Variants in PARP8 observed in about 807,000 individuals in gnomAD.
The protein encoded by PARP8 is protein mono-ADP-ribosyltransferase PARP8.
PARP8 carries 51 observed loss-of-function variants against 124.1 expected under a neutral mutation model. That is an observed-to-expected ratio of 0.41 (90% CI 0.33 to 0.52). The LOEUF is 0.52. PARP8 is among the 20% of genes least tolerant of loss of function. The pLI is 0.21. For missense variants in PARP8, 860 were observed against 1,018.9 expected (o/e 0.84, Z 2.12); for synonymous variants, 391 against 361.5 (o/e 1.08, Z -0.93).
chr5:50,708,029 T>G (rs1166981623), intron 2 of PARP8, among the ~76,000 whole-genome samples: 5 of 152,148 alleles, frequency 3.3e-5, no homozygotes, highest in African/African-American at 1.2e-4. Flanking sequence ...AGTATATATT[T>G]TTTCTTCTAC....
At chr5:50,758,013 A>T (rs1760150759) in intron 3 of PARP8, among the ~76,000 whole-genome samples, 1 of 152,138 alleles carries the variant, frequency 6.6e-6, no homozygotes, top group East Asian at 1.9e-4. Context: ...ATTAGGTTTT[A>T]TATTAAGTAG....
chr5:50,827,912 A>ATGTTTT (rs1491586903), intron 19 of PARP8, 32 bp from the exon 20 acceptor site: 18 of 1,442,398 alleles, frequency 1.2e-5, no homozygotes, highest in Non-Finnish European at 1.8e-5. Context: ...TAAGTTTTAC[A>ATGTTTT]TGTTTTTGTT....
At chr5:50,669,401 G>A (rs1749743199) in intron 2 of PARP8, 1 of 152,164 alleles carries the variant, frequency 6.6e-6, no homozygotes, top group African/African-American at 2.4e-5. Context: ...TATTTTAACA[G>A]TTAAAATATA....
intron 2 of PARP8, among the ~76,000 whole-genome samples, chr5:50,749,351 C>A (rs1055440571): frequency 6.6e-6 from 1 of 152,032 alleles, no homozygotes; most frequent in Non-Finnish European, 1.5e-5. Flanking sequence ...TAATGTTAAA[C>A]ATGTGCTGTG....
Position 50,846,278 on chromosome 5 carries a change from A to G in PARP8, c.*4210A>G, listed in dbSNP as rs533557288. 1.3e-4 allele frequency: 20 copies of G among 151,760 alleles called. No individual in the cohort carries two copies. The highest frequency in any genetic ancestry group is 2.2e-4 in the Non-Finnish European group (15 of 67,784). The allele number at this position is 151,760 out of a possible 1,614,324, so 9.4% of individuals were successfully genotyped here. On this transcript the variant is annotated 3_prime_UTR_variant, in exon 26 of 26. Coordinates refer to ENST00000281631, the MANE Select transcript of PARP8 (RefSeq NM_024615.4). ...AATAAATTTCTTGATTTTTGTGCAC[A>G]GGATAGTATTGCAACCTGCTATTTA...
At chr5:50,678,364 T>C (rs1750876627) in intron 2 of PARP8, among the ~76,000 whole-genome samples, 1 of 152,114 alleles carries the variant, frequency 6.6e-6, no homozygotes, top group African/African-American at 2.4e-5. Context: ...CACACACACA[T>C]AACATGTACA....
intron 2 of PARP8, chr5:50,669,142 A>G (rs1318143814): frequency 6.6e-6 from 1 of 152,232 alleles, no homozygotes; most frequent in Non-Finnish European, 1.5e-5. Context: ...ATTCCAGTAT[A>G]TGCAATATAC....
intron 2 of PARP8, among the ~76,000 whole-genome samples, chr5:50,729,058 A>AGT (rs1756715451): frequency 6.6e-6 from 1 of 152,014 alleles, no homozygotes; most frequent in South Asian, 2.1e-4. Context: ...GGAACACATT[A>AGT]GTGTGCGGTT....
At chr5:50,735,097 C>T (rs1757348911) in intron 2 of PARP8, among the ~76,000 whole-genome samples, 1 of 151,930 alleles carries the variant, frequency 6.6e-6, no homozygotes, top group African/African-American at 2.4e-5. Flanking sequence ...GCTTGCTTCT[C>T]TTGTGTGTTA....
intron 2 of PARP8, chr5:50,741,884 A>G (rs1476493648): frequency 4.6e-6 from 2 of 437,226 alleles, no homozygotes; most frequent in Non-Finnish European, 9.0e-6. Context: ...ATCTCAGCTC[A>G]CTGCAACCTC....
chr5:50,759,671 T>A lies in PARP8; in HGVS notation c.213T>A (p.Asn71Lys). The part of the protein sequence containing the change: ...PDNTYVSSSE[N>K]DEDVLVTTEP... ...ATACATATGTGTCAAGTTCAGAGAA[T>A]GATGAAGATGTGCTAGTTACTACAG... The change falls in exon 4 of 26, where the codon AAT (asparagine) becomes AAA (lysine). Residue 71 changes from asparagine to lysine, a missense_variant. By Grantham distance (94) the Asn-to-Lys change is moderately conservative (BLOSUM62 0). This residue lies in a region of PARP8 where 517 missense variants were observed against 544.2 expected (regional missense o/e 0.95). Transcript: ENST00000281631. The A allele has an allele frequency of 6.4e-7, 1 of 1,563,218 alleles. No homozygotes were observed. The highest frequency in any genetic ancestry group is 8.6e-7 in the Non-Finnish European group (1 of 1,159,234).
chr5:50,744,732 A>G (rs1368068873), intron 2 of PARP8: 4 of 700,266 alleles, frequency 5.7e-6, no homozygotes, highest in Non-Finnish European at 1.0e-5. Context: ...TTTTCTCTGA[A>G]TAGGAATTCA....
At chr5:50,703,851 C>T (rs1753844872) in intron 2 of PARP8, among the ~76,000 whole-genome samples, 1 of 151,486 alleles carries the variant, frequency 6.6e-6, no homozygotes, top group South Asian at 2.1e-4. Context: ...GTCGAGGCTG[C>T]AGTGATCACT....
At chr5:50,786,254 G>A (rs1580337388) in intron 9 of PARP8, among the ~76,000 whole-genome samples, 1 of 151,856 alleles carries the variant, frequency 6.6e-6, no homozygotes, top group Non-Finnish European at 1.5e-5. Context: ...TCTTGTCAAT[G>A]TCATCAGTAA....
rs190852199 is a variant in PARP8, at chr5:50,777,044, A to G, written c.519-1025A>G. On this transcript the variant is annotated intron_variant, in intron 7 of 25. Transcript: ENST00000281631. ...GCTGTGATGAGGACCTAATGAGATC[A>G]TCCATTAATGCTTGACCTGGTTTCC... Among the ~76,000 whole-genome samples the G allele has an allele frequency of 7.4e-3, 1,128 of 152,322 alleles. 8 individuals are homozygous for G. The highest frequency in any genetic ancestry group is 0.011 in the Non-Finnish European group (766 of 68,012).
intron 14 of PARP8, among the ~76,000 whole-genome samples, chr5:50,814,579 A>G (rs539158742): frequency 2.0e-5 from 3 of 152,224 alleles, no homozygotes; most frequent in Middle Eastern, 3.4e-3. Context: ...TTCTATCTAT[A>G]AAGCCATGCA....
intron 2 of PARP8, among the ~76,000 whole-genome samples, chr5:50,735,967 C>CG (rs34470190): frequency 6.8e-6 from 1 of 146,626 alleles, no homozygotes; most frequent in South Asian, 2.2e-4. Context: ...CCCCCCCCCC[C>CG]TTTTATTAGT....
rs79395786 is a variant in PARP8, at chr5:50,731,786, A to G, written c.147-18365A>G. Among the ~76,000 whole-genome samples the G allele has an allele frequency of 1.7e-3, 252 of 152,314 alleles. 3 individuals are homozygous for G. Among genetic ancestry groups the G allele is most frequent in the East Asian group, 0.015 (78 of 5,184 alleles). On this transcript the variant is annotated intron_variant, in intron 2 of 25. Coordinates refer to ENST00000281631, the MANE Select transcript of PARP8 (RefSeq NM_024615.4). ...AGGTTGGATACAGCTCCTTATCTAG[A>G]ATTTCTGATTCTTAAAAGCTCTGAA...
intron 2 of PARP8, among the ~76,000 whole-genome samples, chr5:50,698,493 A>T (rs1183091808): frequency 6.6e-6 from 1 of 152,186 alleles, no homozygotes; most frequent in Non-Finnish European, 1.5e-5. Flanking sequence ...TACTGTGATA[A>T]AATGACCCTG....
Sources: gnomAD v4.1 joint callset for allele counts (sites outside exome capture counted in the v4.1 genomes callset) on GRCh38, gnomAD v4.1.1 for gene constraint, gnomAD v4.1.1 regional missense constraint, MANE v1.5 for transcripts, NCBI Gene and HGNC (gene_info 2026-07-23, HGNC 2026-07-21) for gene names.